ITGA2: variants seen among roughly 807,000 people sequenced by gnomAD.
ITGA2 encodes the protein integrin alpha-2.
Under a neutral mutation model 146.3 loss-of-function variants are expected in ITGA2, and 101 were observed. The ratio of observed to expected loss-of-function variants is 0.69; its 90% CI spans 0.59 to 0.81. The LOEUF (loss-of-function observed/expected upper bound fraction) is 0.81, where lower values mean the gene tolerates loss of function less well. Among genes scored for constraint, ITGA2 ranks in the 40% least tolerant of loss-of-function variants. The probability of loss-of-function intolerance (pLI) is 0.00; values close to 1 mark genes in which losing one functional copy is unlikely to be tolerated. For synonymous variants in ITGA2, 477 were observed against 487.1 expected, an observed-to-expected ratio of 0.98 and a Z score of 0.27; for missense variants, 1,281 against 1,402.7, an observed-to-expected ratio of 0.91 and a Z score of 1.39.
intron 1 of ITGA2, among the ~76,000 whole-genome samples, chr5:53,004,400 G>A (rs1741727394): frequency 6.6e-6 from 1 of 152,086 alleles, no homozygotes; most frequent in African/African-American, 2.4e-5. Flanking sequence ...TTTTCATATT[G>A]TAAAAGCATA....
chr5:53,024,610 G>A (rs936392920), intron 1 of ITGA2, among the ~76,000 whole-genome samples: 23 of 152,332 alleles, frequency 1.5e-4, no homozygotes, highest in Admixed American at 6.5e-4. Flanking sequence ...GAAGAAGGGT[G>A]CTGCTGCTAC....
At chr5:53,069,791 G>A (rs1241203495) in intron 16 of ITGA2, among the ~76,000 whole-genome samples, 5 of 151,028 alleles carry the variant, frequency 3.3e-5, no homozygotes, top group African/African-American at 7.4e-5. Flanking sequence ...AATGAAACCC[G>A]TGCTTGTGGG....
chr5:53,059,212 C>T (rs766700017), intron 10 of ITGA2, among the ~76,000 whole-genome samples: 1 of 151,956 alleles, frequency 6.6e-6, no homozygotes, highest in Non-Finnish European at 1.5e-5. Flanking sequence ...TAGGCATCTT[C>T]CTTTGCCCTC....
At chr5:53,009,287 A>T (rs1007932860) in intron 1 of ITGA2, among the ~76,000 whole-genome samples, 7 of 152,076 alleles carry the variant, frequency 4.6e-5, no homozygotes, top group Admixed American at 1.3e-4. Context: ...CCCAACACCT[A>T]TGAGTATTAC....
intron 1 of ITGA2, among the ~76,000 whole-genome samples, chr5:53,021,938 T>A (rs1293422645): frequency 1.3e-5 from 2 of 152,178 alleles, no homozygotes; most frequent in Non-Finnish European, 2.9e-5. Flanking sequence ...GTTTTGCAAA[T>A]GAGTCCCTTC....
rs1740531676 is a variant in ITGA2, at chr5:53,093,327, TG to T, written c.*2729del. On this transcript the variant is annotated 3_prime_UTR_variant, in exon 30 of 30. Coordinates refer to ENST00000296585, the MANE Select transcript of ITGA2 (RefSeq NM_002203.4). ...GTTTACACTGTTTCCAGGGAGTAGT[TG>T]AATTACTATAAACCATTAGCCACTT... The T allele has an allele frequency of 1.3e-5, 2 of 152,168 alleles. No homozygotes were observed. Among genetic ancestry groups the T allele is most frequent in the Admixed American group, 1.3e-4 (2 of 15,282 alleles). The allele number at this position is 152,168 out of a possible 1,614,324, so 9.4% of individuals were successfully genotyped here.
chr5:53,051,319 C>A, intron 6 of ITGA2, 92 bp from the exon 7 acceptor site: 1 of 1,366,254 alleles, frequency 7.3e-7, no homozygotes, highest in South Asian at 1.2e-5. Context: ...CGGCCCATGT[C>A]TAAATGTACT....
At chr5:53,044,502 G>A (rs3212674) in intron 3 of ITGA2, among the ~76,000 whole-genome samples, 20,022 of 151,722 alleles carry the variant, frequency 0.13, 1,627 homozygotes, top group Middle Eastern at 0.18. Flanking sequence ...GAAGACAGGA[G>A]GTGGAGAGAT....
At chr5:53,058,681 G>A (rs540738772) in intron 10 of ITGA2, among the ~76,000 whole-genome samples, 304 of 143,468 alleles carry the variant, frequency 2.1e-3, no homozygotes, top group African/African-American at 6.9e-3. Context: ...GAAAGGAGGC[G>A]AAAAAAAAAA....
At position 53,072,616 on chromosome 5, in the gene ITGA2, C is replaced by A; in HGVS notation, c.2350C>A (p.Pro784Thr). The change falls in exon 19 of 30, where the codon CCT (proline) becomes ACT (threonine). Residue 784 changes from proline (P) to threonine (T), a missense_variant. Coordinates refer to ENST00000296585, the MANE Select transcript of ITGA2 (RefSeq NM_002203.4). ...YSETAKVFSI[P>T]FHKDCGEDGL... is the part of the protein sequence containing the mutation. ...GATCTTTTTTCCTTTTTCGTAGATT[C>A]CTTTCCACAAAGACTGTGGTGAGGA... 1 of 1,609,440 alleles carries A rather than the reference C, an allele frequency of 6.2e-7. No individual in the cohort carries two copies. Among genetic ancestry groups the A allele is most frequent in the Non-Finnish European group, 8.5e-7 (1 of 1,177,722 alleles).
chr5:53,032,816 A>G (rs1307207356), intron 2 of ITGA2, among the ~76,000 whole-genome samples: 1 of 152,102 alleles, frequency 6.6e-6, no homozygotes. Context: ...AATTTCTTGT[A>G]TGAATATACT....
intron 1 of ITGA2, among the ~76,000 whole-genome samples, chr5:52,993,281 G>T (rs575421257): frequency 1.1e-4 from 16 of 152,290 alleles, no homozygotes; most frequent in African/African-American, 3.6e-4. Context: ...TGGCTTAGCA[G>T]TTATACCTGC....
intron 1 of ITGA2, among the ~76,000 whole-genome samples, chr5:53,006,724 G>C (rs988804008): frequency 6.6e-6 from 1 of 152,136 alleles, no homozygotes; most frequent in African/African-American, 2.4e-5. Flanking sequence ...AACAAGTGAA[G>C]CCGAAGTTTC....
chr5:53,065,266 C>A, intron 14 of ITGA2, 151 bp downstream of exon 14: 1 of 800,860 alleles, frequency 1.2e-6, no homozygotes, highest in Non-Finnish European at 2.1e-6. Flanking sequence ...CTACTGTGTG[C>A]CCAAGCACTG....
Position 53,045,084 on chromosome 5 carries a change from G to A in ITGA2, c.379G>A (p.Gly127Ser). 6.2e-7 allele frequency: 1 copy of A among 1,612,642 alleles called. No homozygotes were observed. The highest frequency in any genetic ancestry group is 8.5e-7 in the Non-Finnish European group (1 of 1,178,704). ...CCTCACCAGGAACATGGGAACTGGAGGTTTTCTCGTGAGTGTTTACTTTAC... is the reference window on the plus strand; with the variant it reads ...CCTCACCAGGAACATGGGAACTGGAAGTTTTCTCGTGAGTGTTTACTTTAC... ...LILTRNMGTG[G>S]FLTCGPLWAQ... Residue 127 changes from glycine to serine, a missense_variant, in exon 4 of 30, where the codon GGT becomes AGT. Transcript: ENST00000296585.
intron 1 of ITGA2, among the ~76,000 whole-genome samples, chr5:53,002,967 A>T (rs537699729): frequency 7.2e-4 from 109 of 152,252 alleles, no homozygotes; most frequent in African/African-American, 2.5e-3. Context: ...AGATTAGGGT[A>T]TTCTAGAAAT....
intron 1 of ITGA2, among the ~76,000 whole-genome samples, chr5:52,992,650 T>C (rs1741021222): frequency 6.6e-6 from 1 of 152,194 alleles, no homozygotes; most frequent in South Asian, 2.1e-4. Flanking sequence ...TCCCTCATCT[T>C]ATGTCTGTAT....
intron 11 of ITGA2, among the ~76,000 whole-genome samples, chr5:53,060,606 C>A (rs986411233): frequency 6.6e-6 from 1 of 151,836 alleles, no homozygotes; most frequent in Non-Finnish European, 1.5e-5. Flanking sequence ...TTCATTCGTT[C>A]AAGAAATATT....
At chr5:53,073,046 G>C (rs898202549) in intron 19 of ITGA2, 72 bp from the exon 20 acceptor site, 3 of 1,506,100 alleles carry the variant, frequency 2.0e-6, no homozygotes, top group African/African-American at 2.8e-5. Flanking sequence ...TTTTTAATGA[G>C]TGAAATTTTA....
Sources: gnomAD v4.1 joint callset for allele counts (sites outside exome capture counted in the v4.1 genomes callset) on GRCh38, gnomAD v4.1.1 for gene constraint, MANE v1.5 for transcripts, NCBI Gene and HGNC (gene_info 2026-07-23, HGNC 2026-07-21) for gene names.